The following SNTG1 variants were observed in gnomAD, a reference collection of about 807,000 sequenced individuals.
SNTG1 encodes syntrophin gamma 1.
Under a neutral mutation model 74.7 loss-of-function variants are expected in SNTG1, and 39 were observed. The ratio of observed to expected loss-of-function variants is 0.52; its 90% CI spans 0.40 to 0.68. The LOEUF is 0.68. Among genes scored for constraint, SNTG1 ranks in the 30% least tolerant of loss-of-function variants. SNTG1 has a pLI of 0.00. For missense variants in SNTG1, 685 were observed against 609.5 expected, an observed-to-expected ratio of 1.12 and a Z score of -1.30; for synonymous variants, 254 against 217.1, an observed-to-expected ratio of 1.17 and a Z score of -1.49.
At chr8:50,467,453 CT>C (rs1174912732) in intron 8 of SNTG1, among the ~76,000 whole-genome samples, 2 of 151,774 alleles carry the variant, frequency 1.3e-5, no homozygotes, top group Non-Finnish European at 2.9e-5. Flanking sequence ...CTCTATTAGC[CT>C]TTTGGTATCC....
chr8:50,087,300 T>C (rs1246348378), intron 1 of SNTG1, among the ~76,000 whole-genome samples: 4 of 152,154 alleles, frequency 2.6e-5, no homozygotes, highest in Non-Finnish European at 4.4e-5. Flanking sequence ...AAGTTTGTCT[T>C]CGATTGTAAC....
chr8:50,524,626 A>T (rs1016802687), intron 9 of SNTG1, among the ~76,000 whole-genome samples: 1 of 152,074 alleles, frequency 6.6e-6, no homozygotes, highest in African/African-American at 2.4e-5. Flanking sequence ...AAAATTGTTA[A>T]TTAAAATATT....
intron 16 of SNTG1, chr8:50,708,003 C>A: frequency 3.0e-6 from 1 of 334,622 alleles, no homozygotes; most frequent in Non-Finnish European, 5.4e-6. Context: ...GCGTTCGAGA[C>A]CAGCCCAGCC....
intron 12 of SNTG1, among the ~76,000 whole-genome samples, chr8:50,563,004 T>C (rs2130701264): frequency 6.6e-6 from 1 of 152,280 alleles, no homozygotes; most frequent in South Asian, 2.1e-4. Flanking sequence ...TGGATAAACA[T>C]GGCTAGAAGC....
At chr8:50,136,283 G>A (rs539294177) in intron 1 of SNTG1, among the ~76,000 whole-genome samples, 1 of 152,240 alleles carries the variant, frequency 6.6e-6, no homozygotes, top group African/African-American at 2.4e-5. Context: ...GTATTGGAAT[G>A]CTGGGCCAAA....
chr8:50,426,563 C>CA (rs760773253), intron 4 of SNTG1, among the ~76,000 whole-genome samples: 56 of 151,102 alleles, frequency 3.7e-4, no homozygotes, highest in Admixed American at 2.8e-3. Flanking sequence ...TATTAAAAGT[C>CA]AAAAAAATAA....
intron 5 of SNTG1, 91 bp downstream of exon 5, chr8:50,438,690 C>A (rs1375227058): frequency 2.3e-5 from 25 of 1,086,348 alleles, no homozygotes; most frequent in Non-Finnish European, 2.5e-5. Context: ...AATAATTAGA[C>A]AAGGATGGCT....
At chr8:50,442,596 T>G (rs1487740184) in intron 5 of SNTG1, among the ~76,000 whole-genome samples, 1 of 151,846 alleles carries the variant, frequency 6.6e-6, no homozygotes, top group Non-Finnish European at 1.5e-5. Flanking sequence ...CTGCCTGTTA[T>G]TATTTAATTT....
intron 17 of SNTG1, among the ~76,000 whole-genome samples, chr8:50,746,369 G>A (rs2095555122): frequency 6.6e-6 from 1 of 151,802 alleles, no homozygotes; most frequent in African/African-American, 2.4e-5. Context: ...AGCCTCTCAG[G>A]GATATCCACT....
At chr8:50,235,731 CTCT>C (rs1431895396) in intron 2 of SNTG1, among the ~76,000 whole-genome samples, 9 of 152,064 alleles carry the variant, frequency 5.9e-5, no homozygotes, top group Non-Finnish European at 1.2e-4. Context: ...AATTATGATT[CTCT>C]TCTTTTTACT....
chr8:50,012,202 C>CT (rs879558027), intron 1 of SNTG1, among the ~76,000 whole-genome samples: 6 of 152,178 alleles, frequency 3.9e-5, no homozygotes, highest in South Asian at 4.1e-4. Context: ...AGCACATTGG[C>CT]TTTTTTTGTG....
intron 9 of SNTG1, among the ~76,000 whole-genome samples, chr8:50,520,495 T>C (rs1276019032): frequency 6.6e-6 from 1 of 151,712 alleles, no homozygotes. Flanking sequence ...ATAATCAGAG[T>C]GAACAGGCAA....
Position 50,486,854 on chromosome 8 carries a change from G to T in SNTG1, c.364-15924G>T, listed in dbSNP as rs551162293. On this transcript the variant is annotated intron_variant, in intron 8 of 18. Transcript: ENST00000642720. Reference sequence around the variant, plus strand: ...ATACCTAATTTATTGAGAGTTTTTAGCATGAAGCGTTGTTGAATTTTGTCA... The same window carrying T: ...ATACCTAATTTATTGAGAGTTTTTATCATGAAGCGTTGTTGAATTTTGTCA... Among the ~76,000 whole-genome samples, 380 of 152,206 alleles carry T rather than the reference G, an allele frequency of 2.5e-3. 1 individual carries two copies. Among genetic ancestry groups the T allele is most frequent in the African/African-American group, 8.5e-3 (355 of 41,534 alleles).
intron 18 of SNTG1, among the ~76,000 whole-genome samples, chr8:50,788,134 A>C (rs1213195196): frequency 1.3e-5 from 2 of 152,064 alleles, no homozygotes; most frequent in Admixed American, 1.3e-4. Context: ...TAAACCTATG[A>C]ATAATGATGG....
At chr8:50,180,010 C>T (rs1299326706) in intron 2 of SNTG1, among the ~76,000 whole-genome samples, 2 of 151,996 alleles carry the variant, frequency 1.3e-5, no homozygotes, top group Non-Finnish European at 2.9e-5. Flanking sequence ...TTCACAATAG[C>T]CAAGATATTA....
At chr8:50,008,451 G>A (rs1338292875) in intron 1 of SNTG1, among the ~76,000 whole-genome samples, 2 of 152,104 alleles carry the variant, frequency 1.3e-5, no homozygotes, top group Admixed American at 1.3e-4. Context: ...CTTAGAAATT[G>A]GGTCTAGTCT....
chr8:49,927,997 C>T lies in SNTG1; in HGVS notation c.-103+15766C>T, dbSNP rs551186195. Among the ~76,000 whole-genome samples, 75 of 151,344 alleles carry T rather than the reference C, an allele frequency of 5.0e-4. 1 individual carries two copies. The highest frequency in any genetic ancestry group is 3.4e-3 in the Middle Eastern group (1 of 294). On this transcript the variant is annotated intron_variant, in intron 1 of 18. Transcript: ENST00000642720. ...AACAAAAATTAGCTGGGCATGGTGG[C>T]GTGCACCTGTAGTCCCAGCTACTCG...
chr8:50,050,515 C>T (rs1819478573), intron 1 of SNTG1, among the ~76,000 whole-genome samples: 1 of 151,934 alleles, frequency 6.6e-6, no homozygotes, highest in Non-Finnish European at 1.5e-5. Context: ...GTATTCTTCC[C>T]CAAATTCAAG....
chr8:50,764,429 CAAAT>C (rs1463014041), intron 18 of SNTG1, among the ~76,000 whole-genome samples: 2 of 151,760 alleles, frequency 1.3e-5, no homozygotes, highest in Non-Finnish European at 2.9e-5. Context: ...AAGTACAAAA[CAAAT>C]AACCCATTAA....
Sources: allele counts gnomAD v4.1 joint callset (sites outside exome capture counted in the v4.1 genomes callset), GRCh38; gene constraint gnomAD v4.1.1; transcripts MANE v1.5; gene names NCBI Gene and HGNC (gene_info 2026-07-23, HGNC 2026-07-21).